The following LARGE1 variants were observed in gnomAD, a reference collection of about 807,000 sequenced individuals.
The protein encoded by LARGE1 is LARGE xylosyl- and glucuronyltransferase 1, also known as xylosyl- and glucuronyltransferase LARGE1.
Under a neutral mutation model 87.6 loss-of-function variants are expected in LARGE1, and 43 were observed. The ratio of observed to expected loss-of-function variants is 0.49; its 90% confidence interval spans 0.38 to 0.63. LARGE1 has a LOEUF of 0.63. Among genes scored for constraint, LARGE1 ranks in the 30% least tolerant of loss-of-function variants. The pLI, the probability that LARGE1 is intolerant of heterozygous loss-of-function variation, is 0.00. For synonymous variants in LARGE1, 434 were observed against 394.6 expected (o/e 1.10, Z -1.18); for missense variants, 802 against 1,000.2 (o/e 0.80, Z 2.67).
At chr22:33,723,559 T>C (rs574740472) in intron 2 of LARGE1, among the ~76,000 whole-genome samples, 1 of 152,196 alleles carries the variant, frequency 6.6e-6, no homozygotes, top group African/African-American at 2.4e-5. Context: ...TCAGGCGGAT[T>C]TGGGTAAGGC....
chr22:33,872,522 A>AC (rs1351316262), intron 1 of LARGE1, among the ~76,000 whole-genome samples: 7 of 150,578 alleles, frequency 4.6e-5, no homozygotes, highest in Non-Finnish European at 1.0e-4. Context: ...CAACACCGCC[A>AC]CCCCCCCAGC....
At chr22:33,255,414 T>C (rs1927212916) in intron 11 of LARGE1, among the ~76,000 whole-genome samples, 1 of 152,220 alleles carries the variant, frequency 6.6e-6, no homozygotes, top group Non-Finnish European at 1.5e-5. Flanking sequence ...GACCAAATGC[T>C]GGAGAGGCTT....
chr22:33,179,098 C>T (rs1192353839), intron 11 of LARGE1, among the ~76,000 whole-genome samples: 2 of 152,150 alleles, frequency 1.3e-5, no homozygotes, highest in African/African-American at 4.8e-5. Flanking sequence ...ATGGGGGCCC[C>T]ACCCTGAAGA....
At chr22:33,220,895 G>C (rs1055759817) in intron 11 of LARGE1, among the ~76,000 whole-genome samples, 3 of 152,140 alleles carry the variant, frequency 2.0e-5, no homozygotes, top group African/African-American at 7.2e-5. Context: ...GCAGGGGACA[G>C]AGATTCGGCC....
At chr22:33,247,802 T>C (rs1926833820) in intron 11 of LARGE1, among the ~76,000 whole-genome samples, 1 of 152,226 alleles carries the variant, frequency 6.6e-6, no homozygotes, top group South Asian at 2.1e-4. Context: ...CTATTCATTA[T>C]CAAGCTAGAC....
intron 2 of LARGE1, among the ~76,000 whole-genome samples, chr22:33,703,930 G>C (rs763046205): frequency 3.7e-4 from 56 of 152,330 alleles, no homozygotes; most frequent in African/African-American, 1.2e-3. Context: ...TGTTAAGGAA[G>C]AACATCAGAA....
At chr22:33,577,876 T>C (rs535973876) in intron 5 of LARGE1, among the ~76,000 whole-genome samples, 85 of 152,308 alleles carry the variant, frequency 5.6e-4, no homozygotes, top group African/African-American at 2.0e-3. Context: ...AAGGCAAAAG[T>C]CTCTTGGTGT....
At chr22:33,091,844 G>A in the LARGE1 span, among the ~76,000 whole-genome samples, 1 of 152,152 alleles carries the variant, frequency 6.6e-6, no homozygotes, top group Non-Finnish European at 1.5e-5. Flanking sequence ...GCACCTCATA[G>A]AGGTTCAAAG....
intron 5 of LARGE1, among the ~76,000 whole-genome samples, chr22:33,576,733 C>T (rs2078364130): frequency 6.6e-6 from 1 of 152,076 alleles, no homozygotes; most frequent in East Asian, 1.9e-4. Flanking sequence ...GCACAAGTCC[C>T]CTGATGTAAA....
At chr22:33,269,809 T>G (rs545846747), downstream of LARGE1, among the ~76,000 whole-genome samples, 10 of 152,082 alleles carry the variant, frequency 6.6e-5, no homozygotes, top group East Asian at 1.7e-3. Context: ...ATCGAGACCA[T>G]CCTGGCTAAA....
At chr22:33,319,244 T>C (rs1280404205) in intron 10 of LARGE1, among the ~76,000 whole-genome samples, 1 of 152,190 alleles carries the variant, frequency 6.6e-6, no homozygotes, top group African/African-American at 2.4e-5. Context: ...GTCTTGAGGC[T>C]AGACCTCAAG....
chr22:33,202,317 G>A (rs1016295564), intron 11 of LARGE1, among the ~76,000 whole-genome samples: 1 of 152,130 alleles, frequency 6.6e-6, no homozygotes, highest in Admixed American at 6.5e-5. Context: ...GCCACATTCA[G>A]CAAGAGTGGC....
chr22:33,403,610 C>T (rs1283835957), intron 7 of LARGE1, among the ~76,000 whole-genome samples: 1 of 148,792 alleles, frequency 6.7e-6, no homozygotes, highest in African/African-American at 2.5e-5. Context: ...CATTTCTTTT[C>T]TTTTTTTTTT....
intron 5 of LARGE1, among the ~76,000 whole-genome samples, chr22:33,591,776 G>A (rs2078844165): frequency 6.6e-6 from 1 of 150,674 alleles, no homozygotes; most frequent in South Asian, 2.1e-4. Flanking sequence ...GGGAGGCCGA[G>A]GTAGCAGGAC....
rs537216131 is a variant in LARGE1 at position 33,556,161 on chromosome 22, T to C, written c.787+8687A>G. Among the ~76,000 whole-genome samples, 16 of 152,074 alleles carry C rather than the reference T, an allele frequency of 1.1e-4. No individual in the cohort carries two copies. The South Asian group carries it at 3.3e-3, about 32-fold the overall frequency. The stretch of plus-strand genomic sequence containing the variant: ...ATTCGACCTCACCCTGACTTTTCCC[T>C]TTCAAGAGACTTTCTACACTTGCAT... On this transcript the variant is annotated intron_variant, in intron 6 of 14. Transcript: ENST00000397394.
chr22:33,089,592 G>T, the LARGE1 span, among the ~76,000 whole-genome samples: 21 of 151,572 alleles, frequency 1.4e-4, no homozygotes, highest in Non-Finnish European at 7.4e-5. Context: ...TGAACTCCTG[G>T]GCTCAAGGGA....
chr22:33,636,466 A>T (rs1602880859), intron 3 of LARGE1, among the ~76,000 whole-genome samples: 1 of 152,154 alleles, frequency 6.6e-6, no homozygotes, highest in African/African-American at 2.4e-5. Flanking sequence ...ACTCTTCCCC[A>T]CATTTCAAGA....
At chr22:33,572,958 T>C (rs934458490) in intron 5 of LARGE1, among the ~76,000 whole-genome samples, 1 of 152,178 alleles carries the variant, frequency 6.6e-6, no homozygotes, top group Admixed American at 6.5e-5. Flanking sequence ...ACTGGCTCCA[T>C]CATTCACTAT....
intron 1 of LARGE1, among the ~76,000 whole-genome samples, chr22:33,793,165 A>T (rs1004551926): frequency 6.6e-6 from 1 of 152,214 alleles, no homozygotes; most frequent in Non-Finnish European, 1.5e-5. Flanking sequence ...TCACATTAGC[A>T]ATCCAAAGAA....
Sources: allele counts gnomAD v4.1 joint callset (sites outside exome capture counted in the v4.1 genomes callset), GRCh38; gene constraint gnomAD v4.1.1; transcripts MANE v1.5; gene names NCBI Gene and HGNC (gene_info 2026-07-23, HGNC 2026-07-21).